Variants in CRYBG3 observed in about 807,000 individuals in gnomAD.
The protein encoded by CRYBG3 is very large A-kinase anchor protein.
Under a neutral mutation model 244.2 loss-of-function variants are expected in CRYBG3, and 127 were observed. That is an observed-to-expected ratio of 0.52 (90% confidence interval 0.45 to 0.60). CRYBG3 has a LOEUF of 0.60. Ranked by LOEUF, CRYBG3 falls within the 20% of genes least tolerant of loss-of-function variation. The pLI is 0.00. For missense variants in CRYBG3, 3,325 were observed against 3,442.5 expected (o/e 0.97, Z 0.85); for synonymous variants, 1,132 against 1,195.8 (o/e 0.95, Z 1.10).
intron 5 of CRYBG3, 115 bp from the exon 6 acceptor site, chr3:97,879,870 A>C: frequency 1.1e-6 from 1 of 909,872 alleles, no homozygotes; most frequent in Non-Finnish European, 1.7e-6. Context: ...CTAAAGTAAC[A>C]TTTGCTTTTG....
intron 1 of CRYBG3, among the ~76,000 whole-genome samples, chr3:97,838,930 T>C (rs2038773927): frequency 6.6e-6 from 1 of 152,128 alleles, no homozygotes; most frequent in South Asian, 2.1e-4. Flanking sequence ...TTTTCAGCCA[T>C]GGTCCAAATA....
At chr3:97,855,783 AGGGGAGGGAGTGTGC>A (rs2039055437) in intron 2 of CRYBG3, among the ~76,000 whole-genome samples, 1 of 152,122 alleles carries the variant, frequency 6.6e-6, no homozygotes, top group Non-Finnish European at 1.5e-5. Flanking sequence ...GGTTTTCAAA[AGGGGAGGGAGTGTGC>A]AAATAGGTGT....
chr3:97,872,857 T>C lies in CRYBG3; in HGVS notation c.1663T>C (p.Leu555=). The C allele has an allele frequency of 6.5e-7, 1 of 1,535,806 alleles. No individual in the cohort carries two copies. Residue 555 remains leucine (L), a synonymous_variant, in exon 4 of 22, where the codon TTA becomes CTA. Coordinates refer to ENST00000389622, the MANE Select transcript of CRYBG3 (RefSeq NM_153605.4). The part of the protein sequence containing the change: ...VKAPEDKIES[L]PKDTDQYFET... ...AGCTCCAGAAGATAAAATTGAGTCA[T>C]TACCCAAAGATACTGACCAATACTT...
intron 1 of CRYBG3, among the ~76,000 whole-genome samples, chr3:97,836,713 G>A (rs536156279): frequency 6.6e-6 from 1 of 152,194 alleles, no homozygotes; most frequent in African/African-American, 2.4e-5. Context: ...TGTATTTAAG[G>A]GCCTAAAGGA....
Position 97,864,548 on chromosome 3 carries a change from A to G in CRYBG3, c.548A>G (p.His183Arg). ...IFSGSLRTQTHPTEEQDSNSS... is the reference protein window; with the variant it reads ...IFSGSLRTQTRPTEEQDSNSS... The stretch of plus-strand genomic sequence containing the variant: ...AGTGGCTCCCTAAGAACCCAGACAC[A>G]TCCAACAGAAGAACAAGACTCTAAC... The change falls in exon 3 of 22, where the codon CAT (histidine) becomes CGT (arginine). Residue 183 changes from histidine (H) to arginine (R), a missense_variant. This residue lies in a region of CRYBG3 where 1,526 missense variants were observed against 1,443.2 expected (regional missense o/e 1.06). Coordinates refer to ENST00000389622, the MANE Select transcript of CRYBG3 (RefSeq NM_153605.4). 1 of 1,535,972 alleles carries G rather than the reference A, an allele frequency of 6.5e-7. No individual in the cohort carries two copies. Among genetic ancestry groups the G allele is most frequent in the South Asian group, 1.2e-5 (1 of 84,060 alleles).
chr3:97,882,538 G>A (rs1037925359), intron 7 of CRYBG3, among the ~76,000 whole-genome samples: 1 of 152,046 alleles, frequency 6.6e-6, no homozygotes, highest in Non-Finnish European at 1.5e-5. Context: ...TAGAGGAGGG[G>A]TTAATTAGTG....
chr3:97,885,666 C>T (rs2039499406), intron 7 of CRYBG3, among the ~76,000 whole-genome samples: 1 of 152,106 alleles, frequency 6.6e-6, no homozygotes, highest in African/African-American at 2.4e-5. Flanking sequence ...ATAGGGGAAA[C>T]ATCTGCAAAG....
At chr3:97,852,473 G>A (rs2039000072) in intron 2 of CRYBG3, among the ~76,000 whole-genome samples, 1 of 152,136 alleles carries the variant, frequency 6.6e-6, no homozygotes, top group African/African-American at 2.4e-5. Flanking sequence ...CAATTGTCTG[G>A]ACTTAGGAAG....
rs778114780 is a variant in CRYBG3 at position 97,880,042 on chromosome 3, C to A, written c.6946C>A (p.Pro2316Thr). ...TYKQEVYCNI[P>T]DATSWSFPNG... ...TAAACAAGAAGTCTACTGTAATATTCCTGATGCTACATCATGGTCTTTTCC... is the reference window on the plus strand; with the variant it reads ...TAAACAAGAAGTCTACTGTAATATTACTGATGCTACATCATGGTCTTTTCC... The change falls in exon 6 of 22, where the codon CCT (proline) becomes ACT (threonine). Residue 2316 changes from proline to threonine, a missense_variant. Around this residue, in one of 4 missense-constraint regions of CRYBG3, gnomAD observed 714 missense variants for 803.6 expected, o/e 0.89. Transcript: ENST00000389622. 1 of 1,604,026 alleles carries A rather than the reference C, an allele frequency of 6.2e-7. No homozygotes were observed. The highest frequency in any genetic ancestry group is 8.5e-7 in the Non-Finnish European group (1 of 1,173,190).
Position 97,873,213 on chromosome 3 carries a change from T to C in CRYBG3, c.2019T>C (p.Asp673=). 6.5e-7 allele frequency: 1 copy of C among 1,535,918 alleles called. No homozygotes were observed. Among genetic ancestry groups the C allele is most frequent in the Non-Finnish European group, 8.7e-7 (1 of 1,146,806 alleles). ...VGMLSKLDIP[D]LMNEGSPVPI... Reference sequence around the variant, plus strand: ...TGCTGAGCAAGTTGGATATTCCTGATTTAATGAATGAGGGTTCTCCTGTGC... The same window carrying C: ...TGCTGAGCAAGTTGGATATTCCTGACTTAATGAATGAGGGTTCTCCTGTGC... The change falls in exon 4 of 22, where the codon GAT becomes GAC. Residue 673 remains aspartate, a synonymous_variant. Coordinates refer to ENST00000389622, the MANE Select transcript of CRYBG3 (RefSeq NM_153605.4).
rs190652423 is a variant in CRYBG3 at position 97,899,235 on chromosome 3, T to C, written c.7943T>C (p.Ile2648Thr). The C allele has an allele frequency of 1.3e-3, 2,029 of 1,613,680 alleles. 24 individuals carry two copies. The African/African-American group carries it at 0.024, about 19-fold the overall frequency. The change falls in exon 14 of 22, where the codon ATA (isoleucine) becomes ACA (threonine). Residue 2648 changes from isoleucine (I) to threonine (T), a missense_variant. This residue lies in a region of CRYBG3 where 714 missense variants were observed against 803.6 expected (regional missense o/e 0.89). Coordinates refer to ENST00000389622, the MANE Select transcript of CRYBG3 (RefSeq NM_153605.4). ...TTTGACTGGGGAGGATCAAATAATA[T>C]AATCATGTCGATACGGCCAATCCAA... ...CFFDWGGSNNIIMSIRPIQLE... is the reference protein window; with the variant it reads ...CFFDWGGSNNTIMSIRPIQLE...
At chr3:97,836,355 A>T (rs1446528928) in intron 1 of CRYBG3, among the ~76,000 whole-genome samples, 1 of 152,106 alleles carries the variant, frequency 6.6e-6, no homozygotes, top group Non-Finnish European at 1.5e-5. Context: ...AAATAGTGCC[A>T]TAACCACCTG....
chr3:97,892,422 T>A (rs2039590050), intron 10 of CRYBG3, among the ~76,000 whole-genome samples: 1 of 152,132 alleles, frequency 6.6e-6, no homozygotes, highest in African/African-American at 2.4e-5. Flanking sequence ...CGTCCCTTCT[T>A]AAATGAGTTA....
intron 1 of CRYBG3, among the ~76,000 whole-genome samples, chr3:97,832,200 A>C (rs990761255): frequency 6.6e-5 from 10 of 151,726 alleles, no homozygotes; most frequent in Non-Finnish European, 1.3e-4. Context: ...GAATTAGAAA[A>C]AAAATACTTT....
Position 97,874,879 on chromosome 3 carries a change from G to A in CRYBG3, c.3685G>A (p.Ala1229Thr), listed in dbSNP as rs1419651558. ...HTVSTCQEHI[A>T]IEGIMNLGTL... ...AGTGAGTACCTGCCAGGAGCATATA[G>A]CCATAGAAGGTATAATGAATCTGGG... is the stretch of plus-strand genomic sequence containing the variant. The change falls in exon 4 of 22, where the codon GCC (alanine) becomes ACC (threonine). Residue 1229 changes from alanine to threonine, a missense_variant. Ala to Thr is a moderately conservative substitution (Grantham distance 58). Coordinates refer to ENST00000389622, the MANE Select transcript of CRYBG3 (RefSeq NM_153605.4). The A allele has an allele frequency of 2.6e-6, 4 of 1,535,120 alleles. No individual in the cohort carries two copies. In the African/African-American group the frequency reaches 5.5e-5, roughly 21 times the overall value.
At chr3:97,866,078 GAA>G in intron 3 of CRYBG3, among the ~76,000 whole-genome samples, 1 of 152,102 alleles carries the variant, frequency 6.6e-6, no homozygotes, top group East Asian at 1.9e-4. Flanking sequence ...GTTAATAAGT[GAA>G]AAAACATTTA....
At chr3:97,891,141 A>G (rs192604697) in intron 10 of CRYBG3, among the ~76,000 whole-genome samples, 41 of 152,312 alleles carry the variant, frequency 2.7e-4, no homozygotes, top group African/African-American at 9.1e-4. Context: ...TAAAGTCAAT[A>G]GATAATTTAT....
chr3:97,942,582 T>A, intron 21 of CRYBG3, 139 bp downstream of exon 21: 1 of 794,340 alleles, frequency 1.3e-6, no homozygotes, highest in Non-Finnish European at 1.9e-6. Context: ...AAAATTAAGA[T>A]AGGCAGTTTT....
intron 1 of CRYBG3, among the ~76,000 whole-genome samples, chr3:97,830,987 A>T (rs992264902): frequency 1.3e-5 from 2 of 152,176 alleles, no homozygotes; most frequent in African/African-American, 4.8e-5. Context: ...GCCAAATGTT[A>T]TAATTTGGGG....
Sources: allele counts gnomAD v4.1 joint callset (sites outside exome capture counted in the v4.1 genomes callset), GRCh38; gene constraint gnomAD v4.1.1; regional missense constraint gnomAD v4.1.1; transcripts MANE v1.5; gene names NCBI Gene and HGNC (gene_info 2026-07-23, HGNC 2026-07-21).